The following CAB39L variants were observed in gnomAD, a reference collection of about 807,000 sequenced individuals.
CAB39L encodes calcium-binding protein 39-like.
In CAB39L, 23 loss-of-function variants were observed where a neutral mutation model predicts 39.1. That is an observed-to-expected ratio of 0.59 (90% CI 0.42 to 0.83). The LOEUF (loss-of-function observed/expected upper bound fraction) is 0.83. Ranked by LOEUF, CAB39L falls within the 40% of genes least tolerant of loss-of-function variation. The pLI, the probability that CAB39L is intolerant of heterozygous loss-of-function variation, is 0.00. For synonymous variants in CAB39L, 126 were observed against 137.2 expected (o/e 0.92, Z 0.57); for missense variants, 366 against 391.9 (o/e 0.93, Z 0.56).
chr13:49,317,677 A>G (rs1187496317), intron 10 of CAB39L, among the ~76,000 whole-genome samples: 2 of 152,250 alleles, frequency 1.3e-5, no homozygotes, highest in African/African-American at 4.8e-5. Flanking sequence ...TTCACAGGAA[A>G]ATACAGGGTA....
At chr13:49,399,145 A>G (rs1956710140) in intron 3 of CAB39L, among the ~76,000 whole-genome samples, 1 of 152,152 alleles carries the variant, frequency 6.6e-6, no homozygotes. Context: ...TGAACCAAAG[A>G]AACAGTTTAG....
intron 10 of CAB39L, among the ~76,000 whole-genome samples, chr13:49,329,037 A>T (rs1424413424): frequency 6.6e-6 from 1 of 152,126 alleles, no homozygotes; most frequent in African/African-American, 2.4e-5. Context: ...TTATCCAAGA[A>T]ACATTTATTG....
Position 49,416,741 on chromosome 13 carries a change from A to G in CAB39L, c.-32+16577T>C, listed in dbSNP as rs144726221. Among the ~76,000 whole-genome samples the G allele has an allele frequency of 1.3e-4, 20 of 152,322 alleles. No homozygotes were observed. The East Asian group carries it at 3.9e-3, about 29-fold the overall frequency. On this transcript the variant is annotated intron_variant, in intron 3 of 10. Transcript: ENST00000409308. The stretch of plus-strand genomic sequence containing the variant: ...AACATACCTATGTCATAGGATTATT[A>G]TAAGGATTAAATGAATTAATGTATA...
chr13:49,385,526 C>G lies in CAB39L; in HGVS notation c.-31-2585G>C, dbSNP rs1956338479. 1.3e-5 allele frequency among the ~76,000 whole-genome samples: 2 copies of G among 152,230 alleles called. 1 individual carries two copies. Among genetic ancestry groups the G allele is most frequent in the South Asian group, 4.1e-4 (2 of 4,834 alleles). On this transcript the variant is annotated intron_variant, in intron 3 of 10. Coordinates refer to ENST00000409308, the MANE Select transcript of CAB39L (RefSeq NM_001079670.3). ...CCACAGCTTGGCTAACTTACTGATG[C>G]AAAAGGCCTAGCTTTCAGCCTACCT...
At chr13:49,404,923 C>T (rs528847934) in intron 3 of CAB39L, among the ~76,000 whole-genome samples, 1 of 152,108 alleles carries the variant, frequency 6.6e-6, no homozygotes, top group Non-Finnish European at 1.5e-5. Context: ...AGCATGCCTA[C>T]AGGATCTAGA....
At position 49,422,734 on chromosome 13, in the gene CAB39L, G is replaced by A. The variant is rs116001832; in HGVS notation, c.-32+10584C>T. Among the ~76,000 whole-genome samples the A allele has an allele frequency of 4.7e-3, 720 of 151,648 alleles. 5 individuals are homozygous for A. Among genetic ancestry groups the A allele is most frequent in the African/African-American group, 0.015 (610 of 41,314 alleles). On this transcript the variant is annotated intron_variant, in intron 3 of 10. Transcript: ENST00000409308. ...AATAGCTGGGACTATAAATGCACCCGGCTTCCCTTACTTTTTTATTTCTTA... is the reference window on the plus strand; with the variant it reads ...AATAGCTGGGACTATAAATGCACCCAGCTTCCCTTACTTTTTTATTTCTTA...
intron 1 of CAB39L, among the ~76,000 whole-genome samples, chr13:49,441,650 G>C (rs1957526722): frequency 6.6e-6 from 1 of 152,114 alleles, no homozygotes; most frequent in Admixed American, 6.5e-5. Context: ...GTGGAATCTG[G>C]TTGTTTCCAG....
chr13:49,404,843 T>C (rs1039839777), intron 3 of CAB39L, among the ~76,000 whole-genome samples: 1 of 152,044 alleles, frequency 6.6e-6, no homozygotes, highest in Non-Finnish European at 1.5e-5. Flanking sequence ...GCAGAAAGAA[T>C]TAGTGAGCTT....
intron 3 of CAB39L, among the ~76,000 whole-genome samples, chr13:49,420,635 A>T: frequency 6.6e-6 from 1 of 152,198 alleles, no homozygotes. Context: ...ATTTTTCTTT[A>T]TTCTTCTAAG....
intron 10 of CAB39L, among the ~76,000 whole-genome samples, chr13:49,317,291 A>G (rs964632043): frequency 5.9e-5 from 9 of 152,184 alleles, no homozygotes; most frequent in Non-Finnish European, 1.3e-4. Flanking sequence ...GCACTTTGGG[A>G]GGCCGAGGTG....
chr13:49,428,574 G>A (rs1190291329), intron 3 of CAB39L, among the ~76,000 whole-genome samples: 1 of 152,122 alleles, frequency 6.6e-6, no homozygotes, highest in Non-Finnish European at 1.5e-5. Flanking sequence ...GCAATTCCAG[G>A]CAGAGTCTCA....
intron 10 of CAB39L, among the ~76,000 whole-genome samples, chr13:49,321,673 A>G (rs757754692): frequency 2.6e-5 from 4 of 152,206 alleles, no homozygotes; most frequent in Non-Finnish European, 2.9e-5. Flanking sequence ...TTAACTACTT[A>G]TCTAAAGGTA....
At chr13:49,408,822 C>T (rs1956934090) in intron 3 of CAB39L, among the ~76,000 whole-genome samples, 1 of 151,916 alleles carries the variant, frequency 6.6e-6, no homozygotes, top group Non-Finnish European at 1.5e-5. Context: ...CAGAGTGAGA[C>T]CCTGTCCCCT....
At position 49,332,026 on chromosome 13, in the gene CAB39L, G is replaced by A. The variant is rs745843719; in HGVS notation, c.755C>T (p.Pro252Leu). 2.5e-6 allele frequency: 4 copies of A among 1,613,878 alleles called. No homozygotes were observed. In the East Asian group the frequency reaches 6.7e-5, roughly 27 times the overall value. ...GTTCATCATGAGTTTCAGGTTCTCC[G>A]GCTTGCTGATATACTTTGTCATGAT... ...FAIMTKYISK[P>L]ENLKLMMNLL... The change falls in exon 10 of 11, where the codon CCG becomes CTG. Residue 252 changes from proline (P) to leucine (L), a missense_variant. Physicochemically the swap from Pro to Leu is moderately conservative, Grantham distance 98 (BLOSUM62 -3). Coordinates refer to ENST00000409308, the MANE Select transcript of CAB39L (RefSeq NM_001079670.3).
intron 4 of CAB39L, among the ~76,000 whole-genome samples, chr13:49,378,681 T>A (rs1483260723): frequency 2.1e-5 from 1 of 47,062 alleles, no homozygotes; most frequent in Admixed American, 1.7e-4. Flanking sequence ...GGAGCCCCTC[T>A]GCCCAGCCAG....
intron 5 of CAB39L, 83 bp from the exon 6 acceptor site, chr13:49,359,915 T>C (rs1205497971): frequency 1.1e-5 from 8 of 699,726 alleles, no homozygotes; most frequent in East Asian, 2.8e-5. Flanking sequence ...CATATATATA[T>C]ACACACAGAC....
intron 5 of CAB39L, among the ~76,000 whole-genome samples, chr13:49,365,536 A>G (rs1955747298): frequency 6.6e-6 from 1 of 152,186 alleles, no homozygotes; most frequent in Admixed American, 6.5e-5. Flanking sequence ...CAGGCCTTCT[A>G]TGAAAAGGTG....
chr13:49,312,528 T>C (rs1245835802), intron 10 of CAB39L, among the ~76,000 whole-genome samples: 1 of 152,228 alleles, frequency 6.6e-6, no homozygotes, highest in Non-Finnish European at 1.5e-5. Flanking sequence ...CTAGGCGCAA[T>C]AGCCCACACT....
At chr13:49,372,772 G>C (rs995561562) in intron 5 of CAB39L, among the ~76,000 whole-genome samples, 2 of 152,084 alleles carry the variant, frequency 1.3e-5, no homozygotes, top group Non-Finnish European at 2.9e-5. Flanking sequence ...CTGGGTTCAC[G>C]CCATTCTCCT....
Sources: allele counts gnomAD v4.1 joint callset (sites outside exome capture counted in the v4.1 genomes callset), GRCh38; gene constraint gnomAD v4.1.1; transcripts MANE v1.5; gene names NCBI Gene and HGNC (gene_info 2026-07-23, HGNC 2026-07-21).